ROBO2: variants seen among roughly 807,000 people sequenced by gnomAD.
The protein encoded by ROBO2 is roundabout homolog 2.
Under a neutral mutation model 160.8 loss-of-function variants are expected in ROBO2, and 53 were observed. The observed-to-expected ratio is 0.33, with a 90% CI of 0.26 to 0.41. The LOEUF (loss-of-function observed/expected upper bound fraction) is 0.41. Among genes scored for constraint, ROBO2 ranks in the 10% least tolerant of loss-of-function variants. ROBO2 has a pLI of 1.00. For missense variants in ROBO2, 1,577 were observed against 1,722.4 expected, an observed-to-expected ratio of 0.92 and a Z score of 1.49; for synonymous variants, 664 against 611.7, an observed-to-expected ratio of 1.09 and a Z score of -1.26.
At position 77,030,146 on chromosome 3, in the gene ROBO2, G is replaced by A. The variant is rs180987653; in HGVS notation, c.110-67868G>A. ...TTTTTAGTAGAGACGGGGTTTCACC[G>A]TGTTAGCCAGGATTGTCTCGATCTC... is the stretch of plus-strand genomic sequence containing the variant. On this transcript the variant is annotated intron_variant, in intron 2 of 26. Coordinates refer to the ROBO2 transcript ENST00000487694. Among the ~76,000 whole-genome samples the A allele has an allele frequency of 2.7e-3, 401 of 151,288 alleles. 1 individual carries two copies. Among genetic ancestry groups the A allele is most frequent in the African/African-American group, 9.5e-3 (389 of 40,850 alleles).
chr3:76,445,399 C>A (rs1037699353), intron 2 of ROBO2, among the ~76,000 whole-genome samples: 1 of 152,052 alleles, frequency 6.6e-6, no homozygotes, highest in Non-Finnish European at 1.5e-5. Context: ...AATGCTGAGA[C>A]ACTTAGTAAT....
At chr3:77,366,734 T>C (rs2070933126) in intron 2 of ROBO2, among the ~76,000 whole-genome samples, 2 of 151,334 alleles carry the variant, frequency 1.3e-5, no homozygotes, top group Admixed American at 1.3e-4. Context: ...GGGGAACCAG[T>C]GTAGAGGTCA....
At chr3:76,250,779 C>G (rs1705943535) in intron 2 of ROBO2, among the ~76,000 whole-genome samples, 1 of 152,008 alleles carries the variant, frequency 6.6e-6, no homozygotes, top group South Asian at 2.1e-4. Context: ...TTAACTTCTA[C>G]CCATTTTCTC....
chr3:77,564,856 GT>G, intron 11 of ROBO2, 97 bp from the exon 13 acceptor site: 1 of 958,702 alleles, frequency 1.0e-6, no homozygotes, highest in Non-Finnish European at 1.6e-6. Context: ...GTGTGTGTGT[GT>G]TTAATTTCCA....
At chr3:77,147,649 T>G (rs558293598) in intron 2 of ROBO2, among the ~76,000 whole-genome samples, 6 of 152,222 alleles carry the variant, frequency 3.9e-5, no homozygotes, top group Non-Finnish European at 8.8e-5. Flanking sequence ...TTACTATGTG[T>G]AATTTAAAAA....
chr3:76,024,389 C>T (rs948160604), intron 2 of ROBO2, among the ~76,000 whole-genome samples: 6 of 150,492 alleles, frequency 4.0e-5, no homozygotes, highest in African/African-American at 1.5e-4. Flanking sequence ...TTTTTAAAAA[C>T]CTTGAGTCGA....
At chr3:77,189,142 G>A (rs1357834680) in intron 2 of ROBO2, among the ~76,000 whole-genome samples, 1 of 151,910 alleles carries the variant, frequency 6.6e-6, no homozygotes, top group East Asian at 1.9e-4. Context: ...GATTATCACA[G>A]TGATTTGGCC....
intron 2 of ROBO2, among the ~76,000 whole-genome samples, chr3:77,029,619 A>G (rs1214086708): frequency 1.3e-5 from 2 of 152,190 alleles, no homozygotes; most frequent in Non-Finnish European, 2.9e-5. Context: ...GAATATTTTC[A>G]TTTAACATTT....
intron 2 of ROBO2, among the ~76,000 whole-genome samples, chr3:76,555,387 G>GAAT (rs2083676599): frequency 2.9e-5 from 2 of 68,232 alleles, no homozygotes; most frequent in Admixed American, 2.0e-4. Flanking sequence ...AGAAGAAGAA[G>GAAT]AAGAAGAAGA....
At chr3:76,702,762 G>A (rs1440027668) in intron 2 of ROBO2, among the ~76,000 whole-genome samples, 2 of 152,038 alleles carry the variant, frequency 1.3e-5, no homozygotes, top group African/African-American at 4.8e-5. Context: ...AAGAAAAAGT[G>A]AGAAAAGGGA....
Position 77,244,149 on chromosome 3 carries a change from G to C in ROBO2, c.388+145809G>C, listed in dbSNP as rs191130097. 1.6e-4 allele frequency among the ~76,000 whole-genome samples: 24 copies of C among 152,250 alleles called. 1 individual carries two copies. The East Asian group carries it at 4.4e-3, about 28-fold the overall frequency. ...TTATTGAATTCCTGATACATAAAAG[G>C]CCTCAGGCTAAATTTTGTCAATTAT... On this transcript the variant is annotated intron_variant, in intron 2 of 25. Coordinates refer to ENST00000461745, the Ensembl canonical transcript of ROBO2.
chr3:76,438,639 G>T (rs929605073), intron 2 of ROBO2, among the ~76,000 whole-genome samples: 12 of 151,870 alleles, frequency 7.9e-5, no homozygotes, highest in African/African-American at 2.9e-4. Flanking sequence ...TGTGTCACAG[G>T]CTAATTTATA....
chr3:77,637,890 A>T (rs960650220), intron 24 of ROBO2, among the ~76,000 whole-genome samples: 5 of 149,664 alleles, frequency 3.3e-5, no homozygotes, highest in African/African-American at 1.2e-4. Context: ...TTAAAGTATG[A>T]TCAATATATT....
intron 2 of ROBO2, among the ~76,000 whole-genome samples, chr3:76,128,299 T>C (rs1273348563): frequency 1.3e-5 from 2 of 152,002 alleles, no homozygotes; most frequent in African/African-American, 4.8e-5. Flanking sequence ...TCATAGAAAA[T>C]GTGGCCTTTA....
intron 2 of ROBO2, among the ~76,000 whole-genome samples, chr3:76,119,873 C>T (rs907266731): frequency 4.2e-5 from 6 of 141,382 alleles, no homozygotes; most frequent in Non-Finnish European, 9.0e-5. Flanking sequence ...CCTCCCCTTC[C>T]TTCCCTTCCT....
chr3:76,151,205 A>G (rs557952200), intron 2 of ROBO2, among the ~76,000 whole-genome samples: 29 of 152,296 alleles, frequency 1.9e-4, no homozygotes, highest in African/African-American at 6.5e-4. Context: ...AGAAATCTTC[A>G]TAAATGAGAG....
exon 1 of ROBO2, chr3:77,039,985 C>T (rs545125851): frequency 5.6e-6 from 3 of 539,754 alleles, no homozygotes; most frequent in East Asian, 1.5e-4. Flanking sequence ...CGCCCGCAGC[C>T]GCCTGGTGCA....
At chr3:76,907,358 C>T (rs1403949129) in intron 2 of ROBO2, among the ~76,000 whole-genome samples, 1 of 152,124 alleles carries the variant, frequency 6.6e-6, no homozygotes, top group Non-Finnish European at 1.5e-5. Flanking sequence ...GTAAAGCAAA[C>T]ATTTTAGATT....
chr3:77,184,118 C>T (rs900062866), intron 2 of ROBO2, among the ~76,000 whole-genome samples: 18 of 152,008 alleles, frequency 1.2e-4, no homozygotes, highest in Non-Finnish European at 2.6e-4. Flanking sequence ...TGAATGAAGG[C>T]TCTGGAGGTT....
Sources: allele counts gnomAD v4.1 joint callset (sites outside exome capture counted in the v4.1 genomes callset), GRCh38; gene constraint gnomAD v4.1.1; transcripts MANE v1.5; gene names NCBI Gene and HGNC (gene_info 2026-07-23, HGNC 2026-07-21).